CDK17: variants seen among roughly 807,000 people sequenced by gnomAD.
CDK17 encodes the protein cyclin-dependent kinase 17.
CDK17 carries 24 observed loss-of-function variants against 77.6 expected under a neutral mutation model. The observed-to-expected ratio is 0.31, with a 90% CI of 0.22 to 0.44. The LOEUF is 0.44. Ranked by LOEUF, CDK17 falls within the 20% of genes least tolerant of loss-of-function variation. CDK17 has a pLI of 1.00. For missense variants in CDK17, 429 were observed against 622.5 expected (o/e 0.69, Z 3.31); for synonymous variants, 203 against 210.4 (o/e 0.96, Z 0.30).
At chr12:96,301,949 C>T (rs147111883) in intron 5 of CDK17, among the ~76,000 whole-genome samples, 18 of 152,162 alleles carry the variant, frequency 1.2e-4, no homozygotes, top group Admixed American at 2.0e-4. Flanking sequence ...GAAAACTGCA[C>T]GTCCAATAGT....
At chr12:96,284,569 T>C (rs1430906152) in intron 13 of CDK17, 4 of 151,790 alleles carry the variant, frequency 2.6e-5, no homozygotes, top group Non-Finnish European at 5.9e-5. Context: ...GATTATCTTT[T>C]TTTTTTTTTT....
chr12:96,389,892 T>A (rs988029289), intron 1 of CDK17, among the ~76,000 whole-genome samples: 1 of 150,504 alleles, frequency 6.6e-6, no homozygotes, highest in Non-Finnish European at 1.5e-5. Context: ...TGCAGCGGTG[T>A]GATCTTGGCT....
intron 6 of CDK17, 86 bp downstream of exon 6, chr12:96,300,218 C>A (rs1952477871): frequency 1.1e-6 from 1 of 893,428 alleles, no homozygotes; most frequent in Non-Finnish European, 1.8e-6. Context: ...TACGTTTTTT[C>A]CAGGTTAACA....
chr12:96,323,916 A>G (rs1952857938), intron 3 of CDK17, 32 bp downstream of exon 3: 1 of 1,490,704 alleles, frequency 6.7e-7, no homozygotes, highest in Non-Finnish European at 9.0e-7. Flanking sequence ...ATAATCAGAA[A>G]GGTAAACACA....
chr12:96,292,545 T>C (rs1952339502), intron 10 of CDK17, among the ~76,000 whole-genome samples: 2 of 152,100 alleles, frequency 1.3e-5, no homozygotes. Context: ...GCGAAGGTTG[T>C]AGTGAGCTGA....
intron 1 of CDK17, among the ~76,000 whole-genome samples, chr12:96,361,846 C>T (rs1371036022): frequency 2.6e-5 from 4 of 152,162 alleles, no homozygotes; most frequent in African/African-American, 7.2e-5. Flanking sequence ...CAAAAATCAT[C>T]AGAAGAGAAG....
chr12:96,283,667 T>G lies in CDK17; in HGVS notation c.1323-22A>C, dbSNP rs1952207515. On this transcript the variant is annotated intron_variant, in intron 13 of 16. Transcript: ENST00000261211. ...TAACCTAGAAACAACAAAGAACAAG[T>G]AAAAATTTATGCTCTCTTAGCTGAT... is the stretch of plus-strand genomic sequence containing the variant. 4.6e-6 allele frequency: 7 copies of G among 1,532,328 alleles called. No individual in the cohort carries two copies. In the East Asian group the frequency reaches 1.6e-4, roughly 34 times the overall value. 94.9% of individuals were successfully genotyped at this position (1,532,328 alleles called of 1,614,324 possible). A position where few individuals can be genotyped will look rare whatever the true frequency, so the allele number is the denominator to read the frequency against.
At chr12:96,359,592 G>A (rs1953462085) in intron 1 of CDK17, among the ~76,000 whole-genome samples, 1 of 152,116 alleles carries the variant, frequency 6.6e-6, no homozygotes, top group Non-Finnish European at 1.5e-5. Context: ...TTTCAAGTAG[G>A]TAGCAATTCC....
At chr12:96,325,203 G>C (rs1405330378) in intron 2 of CDK17, among the ~76,000 whole-genome samples, 2 of 152,178 alleles carry the variant, frequency 1.3e-5, no homozygotes, top group Non-Finnish European at 2.9e-5. Flanking sequence ...GTTTTAAAAA[G>C]AACTGGGCTG....
chr12:96,296,854 C>CT (rs1474749785), intron 9 of CDK17, among the ~76,000 whole-genome samples: 1 of 152,310 alleles, frequency 6.6e-6, no homozygotes, highest in African/African-American at 2.4e-5. Flanking sequence ...CCTGCATGTT[C>CT]TGGCCTTATT....
chr12:96,320,583 C>T (rs1384864083), intron 3 of CDK17, among the ~76,000 whole-genome samples: 1 of 150,692 alleles, frequency 6.6e-6, no homozygotes, highest in African/African-American at 2.4e-5. Context: ...GTAACCAAAA[C>T]AGCATGGTAC....
chr12:96,398,137 G>A (rs186375020), intron 1 of CDK17, among the ~76,000 whole-genome samples: 1,593 of 151,050 alleles, frequency 0.011, 49 homozygotes, highest in Admixed American at 0.065. Flanking sequence ...AAAGACTCCC[G>A]TTTTTTTTTA....
chr12:96,364,236 T>C (rs559536173), intron 1 of CDK17, among the ~76,000 whole-genome samples: 1 of 152,336 alleles, frequency 6.6e-6, no homozygotes, highest in South Asian at 2.1e-4. Context: ...TGTATAATCA[T>C]TTTATGGACA....
intron 1 of CDK17, among the ~76,000 whole-genome samples, chr12:96,345,321 T>A (rs1171563680): frequency 6.6e-6 from 1 of 152,248 alleles, no homozygotes; most frequent in African/African-American, 2.4e-5. Context: ...CAGAATGATT[T>A]ATATTCCTTT....
intron 1 of CDK17, among the ~76,000 whole-genome samples, chr12:96,399,596 G>A (rs1954226110): frequency 6.6e-6 from 1 of 151,592 alleles, no homozygotes; most frequent in Admixed American, 6.6e-5. Flanking sequence ...CCGCCGAGGG[G>A]ACCTTTGTGT....
At chr12:96,290,923 A>T (rs1952316040) in intron 10 of CDK17, among the ~76,000 whole-genome samples, 1 of 152,206 alleles carries the variant, frequency 6.6e-6, no homozygotes. Context: ...AAATTAATTA[A>T]ATGTGATATG....
intron 1 of CDK17, among the ~76,000 whole-genome samples, chr12:96,397,421 T>C (rs1391208433): frequency 1.3e-5 from 2 of 152,194 alleles, no homozygotes; most frequent in East Asian, 3.8e-4. Context: ...GTTTTTTCAT[T>C]CTGGTAACCA....
chr12:96,380,844 A>G (rs1220208001), intron 1 of CDK17, among the ~76,000 whole-genome samples: 2 of 152,140 alleles, frequency 1.3e-5, no homozygotes, highest in Admixed American at 6.5e-5. Context: ...TTTCTATCAC[A>G]TGGAAATACT....
intron 5 of CDK17, among the ~76,000 whole-genome samples, chr12:96,307,878 GAC>G (rs71097278): frequency 0.052 from 7,834 of 151,118 alleles, 259 homozygotes; most frequent in Non-Finnish European, 0.064. Flanking sequence ...CACACACACA[GAC>G]ACACACACAC....
Sources: gnomAD v4.1 joint callset for allele counts (sites outside exome capture counted in the v4.1 genomes callset) on GRCh38, gnomAD v4.1.1 for gene constraint, MANE v1.5 for transcripts, NCBI Gene and HGNC (gene_info 2026-07-23, HGNC 2026-07-21) for gene names.